The following IL3 variants were observed in gnomAD, a reference collection of about 807,000 sequenced individuals.
The protein encoded by IL3 is interleukin 3.
A neutral mutation model predicts 15.4 loss-of-function variants in IL3; 15 were observed. The ratio of observed to expected loss-of-function variants is 0.97; its 90% confidence interval spans 0.65 to 1.50. The LOEUF (loss-of-function observed/expected upper bound fraction) is 1.50, where lower values mean the gene tolerates loss of function less well. IL3 is among the 40% of genes most tolerant of loss of function. The pLI is 0.00. For missense variants in IL3, 162 were observed against 192.2 expected (o/e 0.84, Z 0.93); for synonymous variants, 74 against 79.3 (o/e 0.93, Z 0.36).
At chr5:132,061,960 C>T (rs908271162) in intron 2 of IL3, among the ~76,000 whole-genome samples, 2 of 152,170 alleles carry the variant, frequency 1.3e-5, no homozygotes, top group Non-Finnish European at 2.9e-5. Context: ...GACGGGGTTT[C>T]ACCATATTGG....
intron 1 of IL3, 43 bp downstream of exon 1, chr5:132,060,911 G>A: frequency 3.1e-6 from 5 of 1,611,724 alleles, no homozygotes; most frequent in Non-Finnish European, 4.2e-6. Context: ...GTGAGGGGTG[G>A]TGGCTGCCTA....
intron 4 of IL3, 26 bp downstream of exon 4, chr5:132,062,593 C>CAT: frequency 6.2e-7 from 1 of 1,613,566 alleles, no homozygotes; most frequent in Non-Finnish European, 8.5e-7. Context: ...AGATGCCCGT[C>CAT]ATGGCTTGCT....
At chr5:132,062,613 G>T in intron 4 of IL3, 46 bp downstream of exon 4, 8 of 1,613,280 alleles carry the variant, frequency 5.0e-6, no homozygotes, top group Non-Finnish European at 6.8e-6. Flanking sequence ...TCCTCAGCTG[G>T]TCATCACCAT....
Position 132,062,901 on chromosome 5 carries a change from G to C in IL3, c.*110G>C, listed in dbSNP as rs55633940. 3,250 of 1,391,112 alleles carry C rather than the reference G, an allele frequency of 2.3e-3. 33 individuals are homozygous for C. Among genetic ancestry groups the C allele is most frequent in the Middle Eastern group, 0.015 (58 of 3,810 alleles). 86.2% of individuals were successfully genotyped at this position (1,391,112 alleles called of 1,614,324 possible). A position where few individuals can be genotyped will look rare whatever the true frequency, so the allele number is the denominator to read the frequency against. On this transcript the variant is annotated 3_prime_UTR_variant, in exon 5 of 5. Coordinates refer to ENST00000296870, the MANE Select transcript of IL3 (RefSeq NM_000588.4). Reference sequence around the variant, plus strand: ...TCATCTCTCACACATTCCAGGACCAGAAGCATTTCACCTTTTCCTGCGGCA... The same window carrying C: ...TCATCTCTCACACATTCCAGGACCACAAGCATTTCACCTTTTCCTGCGGCA...
intron 4 of IL3, 26 bp downstream of exon 4, chr5:132,062,593 C>T (rs369866649): frequency 3.1e-6 from 5 of 1,613,448 alleles, no homozygotes; most frequent in Non-Finnish European, 4.2e-6. Flanking sequence ...AGATGCCCGT[C>T]ATGGCTTGCT....
rs1203524459 is a variant in IL3, at chr5:132,063,109, CA to C, written c.*324del. On this transcript the variant is annotated 3_prime_UTR_variant, in exon 5 of 5. Transcript: ENST00000296870. ...GAGGAGCCATGTCCTGCTGCTTCTGCAAAAAACTCAGAGTGGGGTGGGGAGC... is the reference window on the plus strand; with the variant it reads ...GAGGAGCCATGTCCTGCTGCTTCTGCAAAAACTCAGAGTGGGGTGGGGAGC... 3 of 240,348 alleles carry C rather than the reference CA, an allele frequency of 1.2e-5. No individual in the cohort carries two copies. 14.9% of individuals were successfully genotyped at this position (240,348 alleles called of 1,614,324 possible). A position where few individuals can be genotyped will look rare whatever the true frequency, so the allele number is the denominator to read the frequency against.
chr5:132,062,712 G>T lies in IL3; in HGVS notation c.380G>T (p.Arg127Leu), dbSNP rs773788934. Residue 127 changes from arginine to leucine, a missense_variant, in exon 5 of 5, where the codon CGG (arginine) becomes CTG (leucine). Transcript: ENST00000296870. ...HIKDGDWNEF[R>L]RKLTFYLKTL... ...AAGGACGGTGACTGGAATGAATTCC[G>T]GAGGAAACTGACGTTCTATCTGAAA... is the stretch of plus-strand genomic sequence containing the variant. 1.9e-6 allele frequency: 3 copies of T among 1,614,142 alleles called. No homozygotes were observed. Among genetic ancestry groups the T allele is most frequent in the Middle Eastern group, 1.6e-4 (1 of 6,062 alleles).
chr5:132,062,393 A>G lies in IL3; in HGVS notation c.286A>G (p.Ile96Val), dbSNP rs767721130. 4 of 1,613,888 alleles carry G rather than the reference A, an allele frequency of 2.5e-6. No homozygotes were observed. The East Asian group carries it at 6.7e-5, about 27-fold the overall frequency. ...ACAGAACGCATCAGCAATTGAGAGCATTCTTAAAGTATGTGAAGCTGTTGA... is the reference window on the plus strand; with the variant it reads ...ACAGAACGCATCAGCAATTGAGAGCGTTCTTAAAGTATGTGAAGCTGTTGA... ...SLQNASAIES[I>V]LKNLLPCLPL... The change falls in exon 3 of 5, where the codon ATT (isoleucine) becomes GTT (valine). Residue 96 changes from isoleucine to valine, a missense_variant. Physicochemically the swap from Ile to Val is conservative, Grantham distance 29 (BLOSUM62 3). Transcript: ENST00000296870.
Position 132,062,708 on chromosome 5 carries a change from T to C in IL3, c.376T>C (p.Phe126Leu), listed in dbSNP as rs1561833039. 1 of 1,614,226 alleles carries C rather than the reference T, an allele frequency of 6.2e-7. No individual in the cohort carries two copies. Residue 126 changes from phenylalanine (F) to leucine (L), a missense_variant, in exon 5 of 5, where the codon TTC (phenylalanine) becomes CTC (leucine). Transcript: ENST00000296870. ...IHIKDGDWNE[F>L]RRKLTFYLKT... is the part of the protein sequence containing the mutation. ...TATCAAGGACGGTGACTGGAATGAA[T>C]TCCGGAGGAAACTGACGTTCTATCT...
chr5:132,062,644 T>A, intron 4 of IL3, 25 bp from the exon 5 acceptor site: 1 of 1,613,996 alleles, frequency 6.2e-7, no homozygotes, highest in Non-Finnish European at 8.5e-7. Flanking sequence ...ACTCACCTAA[T>A]GCCACCTTCT....
chr5:132,063,129 G>A lies in IL3; in HGVS notation c.*338G>A, dbSNP rs1180355280. The A allele has an allele frequency of 4.4e-6, 1 of 229,284 alleles. No homozygotes were observed. Among genetic ancestry groups the A allele is most frequent in the Admixed American group, 5.1e-5 (1 of 19,506 alleles). 14.2% of individuals were successfully genotyped at this position (229,284 alleles called of 1,614,324 possible). ...TTCTGCAAAAAACTCAGAGTGGGGT[G>A]GGGAGCATGTTCATTTGTACCTCGA... On this transcript the variant is annotated 3_prime_UTR_variant, in exon 5 of 5. Coordinates refer to ENST00000296870, the MANE Select transcript of IL3 (RefSeq NM_000588.4).
chr5:132,062,494 C>G (rs774477884), intron 3 of IL3, 32 bp from the exon 4 acceptor site: 2 of 1,614,060 alleles, frequency 1.2e-6, no homozygotes, highest in Non-Finnish European at 1.7e-6. Flanking sequence ...CCAAGGGAAT[C>G]TCTGACCATC....
At chr5:132,060,931 G>T in intron 1 of IL3, 36 bp from the exon 2 acceptor site, 1 of 1,613,560 alleles carries the variant, frequency 6.2e-7, no homozygotes, top group Non-Finnish European at 8.5e-7. Flanking sequence ...AAGGCCAAAA[G>T]GCCTCATGGG....
chr5:132,062,410 A>G lies in IL3; in HGVS notation c.294+9A>G, dbSNP rs60211209. ...TTGAGAGCATTCTTAAAGTATGTGAAGCTGTTGAGGGTTTGGGATCCCTGT... is the reference window on the plus strand; with the variant it reads ...TTGAGAGCATTCTTAAAGTATGTGAGGCTGTTGAGGGTTTGGGATCCCTGT... On this transcript the variant is annotated intron_variant, in intron 3 of 4. Coordinates refer to ENST00000296870, the MANE Select transcript of IL3 (RefSeq NM_000588.4). 17 of 1,613,598 alleles carry G rather than the reference A, an allele frequency of 1.1e-5. 1 individual carries two copies. The South Asian group carries it at 1.8e-4, about 17-fold the overall frequency.
In IL3 at chr5:132,060,868, G is replaced by C; in HGVS notation, c.162G>C (p.Leu54=). 2 of 1,613,850 alleles carry C rather than the reference G, an allele frequency of 1.2e-6. No individual in the cohort carries two copies. Among genetic ancestry groups the C allele is most frequent in the Non-Finnish European group, 1.7e-6 (2 of 1,179,704 alleles). ...TAAAGCAGCCACCTTTGCCTTTGCT[G>C]GTGAGTAGCTTGGATAAGACTGGCC... ...THLKQPPLPL[L]DFNNLNGEDQ... The change falls in exon 1 of 5, where the codon CTG becomes CTC. Residue 54 remains leucine (L), a splice_region_variant and synonymous_variant. Transcript: ENST00000296870.
rs1236533674 is a variant in IL3, at chr5:132,060,841, C to T, written c.135C>T (p.His45=). The stretch of plus-strand genomic sequence containing the variant: ...ACATGATCGATGAAATTATAACACA[C>T]TTAAAGCAGCCACCTTTGCCTTTGC... ...CSNMIDEIIT[H]LKQPPLPLLD... is the part of the protein sequence containing the mutation. The change falls in exon 1 of 5, where the codon CAC becomes CAT. Residue 45 remains histidine, a synonymous_variant. Coordinates refer to ENST00000296870, the MANE Select transcript of IL3 (RefSeq NM_000588.4). 6.2e-7 allele frequency: 1 copy of T among 1,614,222 alleles called. No individual in the cohort carries two copies. The highest frequency in any genetic ancestry group is 1.3e-5 in the African/African-American group (1 of 75,070).
intron 3 of IL3, 61 bp downstream of exon 3, chr5:132,062,462 G>C: frequency 6.2e-7 from 1 of 1,610,006 alleles, no homozygotes; most frequent in Non-Finnish European, 8.5e-7. Flanking sequence ...CTCTGGGGAG[G>C]AGAGCAGGGC....
At chr5:132,061,727 C>T (rs1756481763) in intron 2 of IL3, among the ~76,000 whole-genome samples, 1 of 151,614 alleles carries the variant, frequency 6.6e-6, no homozygotes, top group Non-Finnish European at 1.5e-5. Flanking sequence ...ATTTTTTCCC[C>T]CAAGTGCAGA....
In IL3 at chr5:132,062,292, T is replaced by C. The variant is rs765661005; in HGVS notation, c.205-20T>C. The C allele has an allele frequency of 1.3e-6, 2 of 1,581,010 alleles. No homozygotes were observed. The highest frequency in any genetic ancestry group is 1.7e-6 in the Non-Finnish European group (2 of 1,149,718). ...TACTCTGTAACCTTTCCCCCTTAAG[T>C]GTATTCTCTGCCCCGTTAGGAAAAT... On this transcript the variant is annotated intron_variant, in intron 2 of 4. Transcript: ENST00000296870.
Sources: gnomAD v4.1 joint callset for allele counts (sites outside exome capture counted in the v4.1 genomes callset) on GRCh38, gnomAD v4.1.1 for gene constraint, MANE v1.5 for transcripts, NCBI Gene and HGNC (gene_info 2026-07-23, HGNC 2026-07-21) for gene names.